The following CCDC68 variants were observed in gnomAD, a reference collection of about 807,000 sequenced individuals.
CCDC68 encodes coiled-coil domain containing 68, also known as coiled-coil domain-containing protein 68.
Under a neutral mutation model 47.1 loss-of-function variants are expected in CCDC68, and 45 were observed. That is an observed-to-expected ratio of 0.96 (90% confidence interval 0.75 to 1.23). The LOEUF (loss-of-function observed/expected upper bound fraction) is 1.23. Ranked by LOEUF, CCDC68 falls within the 50% of genes most tolerant of loss-of-function variation. The pLI is 0.00. For synonymous variants in CCDC68, 131 were observed against 129.5 expected, an observed-to-expected ratio of 1.01 and a Z score of -0.08; for missense variants, 353 against 373.6, an observed-to-expected ratio of 0.94 and a Z score of 0.45.
intron 8 of CCDC68, among the ~76,000 whole-genome samples, chr18:54,926,655 T>A: frequency 6.6e-6 from 1 of 152,210 alleles, no homozygotes; most frequent in East Asian, 1.9e-4. Flanking sequence ...AAAATGGCTT[T>A]TTGCTAGTCG....
Position 54,907,783 on chromosome 18 carries a change from T to C in CCDC68, c.950+3A>G, listed in dbSNP as rs188349449. ...ACAGGGTGGAAGAGGACAGAGACCT[T>C]ACCTTGTAGAGACAGCCTTAGATAC... is the stretch of plus-strand genomic sequence containing the variant. On this transcript the variant is annotated splice_donor_region_variant and intron_variant, in intron 11 of 11. Coordinates refer to ENST00000591504, the MANE Select transcript of CCDC68 (RefSeq NM_025214.3). 4 of 1,557,706 alleles carry C rather than the reference T, an allele frequency of 2.6e-6. No individual in the cohort carries two copies. The African/African-American group carries it at 5.4e-5, about 21-fold the overall frequency.
At chr18:54,913,864 A>G (rs910053724) in intron 10 of CCDC68, among the ~76,000 whole-genome samples, 4 of 152,162 alleles carry the variant, frequency 2.6e-5, no homozygotes, top group Non-Finnish European at 5.9e-5. Flanking sequence ...AAATTGAATC[A>G]CTATGGCTCA....
intron 8 of CCDC68, among the ~76,000 whole-genome samples, chr18:54,922,108 A>G (rs1289110862): frequency 2.0e-5 from 3 of 152,118 alleles, no homozygotes; most frequent in African/African-American, 7.2e-5. Context: ...AGCCCTCAGT[A>G]TTTCCAAAAT....
intron 7 of CCDC68, among the ~76,000 whole-genome samples, chr18:54,930,041 T>C (rs765906459): frequency 6.6e-6 from 1 of 152,246 alleles, no homozygotes; most frequent in East Asian, 1.9e-4. Flanking sequence ...AAGTTGCATG[T>C]AAATTTGTAG....
intron 7 of CCDC68, among the ~76,000 whole-genome samples, chr18:54,932,443 A>G (rs1304343986): frequency 2.0e-5 from 3 of 151,988 alleles, no homozygotes; most frequent in Admixed American, 6.6e-5. Context: ...CTCCTGCCTC[A>G]GCCTCCCAAA....
chr18:54,904,480 T>TTTA, intron 11 of CCDC68, 65 bp from the exon 12 acceptor site: 1 of 1,262,492 alleles, frequency 7.9e-7, no homozygotes, highest in Non-Finnish European at 1.2e-6. Context: ...ATGGCTAGAC[T>TTTA]ACCATACTCA....
chr18:54,937,057 A>G lies in CCDC68; in HGVS notation c.346-99T>C, dbSNP rs1019079838. 8 of 1,138,666 alleles carry G rather than the reference A, an allele frequency of 7.0e-6. No homozygotes were observed. The African/African-American group carries it at 1.2e-4, about 17-fold the overall frequency. The allele number at this position is 1,138,666 out of a possible 1,614,324, so 70.5% of individuals were successfully genotyped here. A position where few individuals can be genotyped will look rare whatever the true frequency, so the allele number is the denominator to read the frequency against. ...AATTAAGAACACCAAAGGTATAACT[A>G]TACCATTTACAGCCTCATAGACAAT... On this transcript the variant is annotated intron_variant, in intron 5 of 11. Transcript: ENST00000591504.
intron 10 of CCDC68, among the ~76,000 whole-genome samples, chr18:54,912,992 T>G (rs534915884): frequency 4.6e-5 from 7 of 152,248 alleles, no homozygotes; most frequent in Non-Finnish European, 8.8e-5. Flanking sequence ...TTATGGGAGC[T>G]ACAATTCAAG....
At chr18:54,954,796 T>C (rs1316442467) in intron 1 of CCDC68, 4 of 152,020 alleles carry the variant, frequency 2.6e-5, no homozygotes, top group South Asian at 2.1e-4. Context: ...GAAACAAAGG[T>C]GTATTACCAA....
chr18:54,919,192 G>A, intron 9 of CCDC68, 79 bp downstream of exon 9: 1 of 1,069,596 alleles, frequency 9.3e-7, no homozygotes. Context: ...TGCTTCAAAA[G>A]TCCAGTCAAG....
intron 1 of CCDC68, among the ~76,000 whole-genome samples, chr18:54,946,582 T>C (rs777013572): frequency 9.9e-5 from 15 of 152,256 alleles, no homozygotes; most frequent in Admixed American, 1.3e-4. Flanking sequence ...TGAATCCCAC[T>C]GCCTTCTCAG....
At chr18:54,913,895 T>A (rs558917948) in intron 10 of CCDC68, among the ~76,000 whole-genome samples, 1 of 152,316 alleles carries the variant, frequency 6.6e-6, no homozygotes, top group South Asian at 2.1e-4. Flanking sequence ...ATTTAGGTAT[T>A]TGGATACCTG....
intron 11 of CCDC68, among the ~76,000 whole-genome samples, chr18:54,907,573 T>A (rs538901847): frequency 6.6e-6 from 1 of 152,322 alleles, no homozygotes; most frequent in African/African-American, 2.4e-5. Flanking sequence ...GATATCTAAA[T>A]TTGTTCATTA....
Position 54,934,295 on chromosome 18 carries a change from T to C in CCDC68, c.600+525A>G, listed in dbSNP as rs1195944839. Among the ~76,000 whole-genome samples the C allele has an allele frequency of 2.6e-5, 4 of 152,232 alleles. No individual in the cohort carries two copies. The East Asian group carries it at 7.7e-4, about 29-fold the overall frequency. ...AATTTTTCTTCTATTATTGCTCTTC[T>C]CTAAATATGCCTTCTTAAAGTTCCA... On this transcript the variant is annotated intron_variant, in intron 7 of 11. Transcript: ENST00000591504.
intron 10 of CCDC68, among the ~76,000 whole-genome samples, chr18:54,915,843 C>G (rs1435217946): frequency 6.6e-6 from 1 of 152,066 alleles, no homozygotes; most frequent in African/African-American, 2.4e-5. Flanking sequence ...GCAGGAGAAT[C>G]ACTTGAACCC....
At position 54,913,774 on chromosome 18, in the gene CCDC68, C is replaced by T. The variant is rs151204992; in HGVS notation, c.873+4139G>A. Among the ~76,000 whole-genome samples the T allele has an allele frequency of 5.2e-4, 79 of 152,028 alleles. 1 individual carries two copies. Among genetic ancestry groups the T allele is most frequent in the Middle Eastern group, 6.8e-3 (2 of 294 alleles). Reference sequence around the variant, plus strand: ...GCTGCAGTGAGCCATGATCATGCCACGGCACTTCAGCCTCGGCAACAGAGT... The same window carrying T: ...GCTGCAGTGAGCCATGATCATGCCATGGCACTTCAGCCTCGGCAACAGAGT... On this transcript the variant is annotated intron_variant, in intron 10 of 11. Coordinates refer to ENST00000591504, the MANE Select transcript of CCDC68 (RefSeq NM_025214.3).
intron 9 of CCDC68, 145 bp downstream of exon 9, chr18:54,919,124 CAG>C: frequency 1.6e-6 from 1 of 632,244 alleles, no homozygotes; most frequent in South Asian, 1.9e-5. Context: ...GCATTGAAAA[CAG>C]AGACATATTG....
chr18:54,958,764 T>G (rs11660447), intron 1 of CCDC68, among the ~76,000 whole-genome samples: 2,209 of 152,316 alleles, frequency 0.015, 31 homozygotes, highest in Non-Finnish European at 0.023. Context: ...ACTCTGTAAC[T>G]TCCACATCTA....
chr18:54,917,535 T>C (rs1360430951), intron 10 of CCDC68, among the ~76,000 whole-genome samples: 1 of 152,208 alleles, frequency 6.6e-6, no homozygotes, highest in African/African-American at 2.4e-5. Context: ...ACAAAAATGC[T>C]AATAATTTAA....
Sources: allele counts gnomAD v4.1 joint callset (sites outside exome capture counted in the v4.1 genomes callset), GRCh38; gene constraint gnomAD v4.1.1; transcripts MANE v1.5; gene names NCBI Gene and HGNC (gene_info 2026-07-23, HGNC 2026-07-21).